Variants in VSTM4 observed in about 807,000 individuals in gnomAD.
VSTM4 encodes the protein V-set and transmembrane domain-containing protein 4.
A neutral mutation model predicts 36.4 loss-of-function variants in VSTM4; 20 were observed. The observed-to-expected ratio is 0.55, with a 90% CI of 0.39 to 0.80. VSTM4 has a LOEUF of 0.80. Ranked by LOEUF, VSTM4 falls within the 30% of genes least tolerant of loss-of-function variation. VSTM4 has a pLI of 0.00. For missense variants in VSTM4, 392 were observed against 404.5 expected (o/e 0.97, Z 0.26); for synonymous variants, 182 against 173.9 (o/e 1.05, Z -0.37).
intron 5 of VSTM4, among the ~76,000 whole-genome samples, chr10:49,050,545 C>T (rs188127068): frequency 7.2e-5 from 11 of 152,052 alleles, no homozygotes; most frequent in South Asian, 2.1e-4. Flanking sequence ...TTATTGGGAA[C>T]GGAGATTCTA....
At chr10:49,105,328 AC>A (rs1381127056) in intron 2 of VSTM4, among the ~76,000 whole-genome samples, 2 of 47,570 alleles carry the variant, frequency 4.2e-5, no homozygotes, top group Non-Finnish European at 6.8e-5. Context: ...AGAGAGAGAG[AC>A]GGGGGGGGGA....
At chr10:49,089,515 G>T (rs1844433598) in intron 2 of VSTM4, among the ~76,000 whole-genome samples, 1 of 152,182 alleles carries the variant, frequency 6.6e-6, no homozygotes, top group Admixed American at 6.5e-5. Flanking sequence ...ATTTAGGATA[G>T]AAAGCAACAA....
intron 6 of VSTM4, among the ~76,000 whole-genome samples, chr10:49,047,555 C>T (rs770774742): frequency 1.6e-4 from 25 of 152,238 alleles, no homozygotes; most frequent in Non-Finnish European, 3.2e-4. Flanking sequence ...GGCTCTACCA[C>T]GTACCTAAGT....
chr10:49,112,610 T>A (rs1370412500), intron 1 of VSTM4, among the ~76,000 whole-genome samples: 1 of 152,252 alleles, frequency 6.6e-6, no homozygotes, highest in African/African-American at 2.4e-5. Context: ...ACATGCACAC[T>A]GTCCTGTGAG....
intron 5 of VSTM4, among the ~76,000 whole-genome samples, chr10:49,057,422 G>A (rs1211560779): frequency 6.6e-6 from 1 of 152,196 alleles, no homozygotes; most frequent in Non-Finnish European, 1.5e-5. Flanking sequence ...GAAACCCTTA[G>A]CGACAGGGAC....
intron 4 of VSTM4, among the ~76,000 whole-genome samples, chr10:49,069,720 G>A (rs1019906415): frequency 2.0e-5 from 3 of 152,182 alleles, no homozygotes; most frequent in African/African-American, 7.2e-5. Flanking sequence ...CACCAAGTGG[G>A]AAGCTGAGGA....
At chr10:49,037,491 C>T (rs1159698316) in intron 7 of VSTM4, among the ~76,000 whole-genome samples, 3 of 152,228 alleles carry the variant, frequency 2.0e-5, no homozygotes, top group Admixed American at 2.0e-4. Flanking sequence ...CCCACGCAAA[C>T]ATTATTCATC....
chr10:49,076,388 C>A (rs1844178742), intron 4 of VSTM4, among the ~76,000 whole-genome samples: 1 of 152,190 alleles, frequency 6.6e-6, no homozygotes, highest in African/African-American at 2.4e-5. Context: ...ATGAGGAAAG[C>A]AGGCACAGAA....
chr10:49,044,939 A>G (rs745570547), intron 7 of VSTM4, among the ~76,000 whole-genome samples: 3 of 152,206 alleles, frequency 2.0e-5, no homozygotes, highest in Non-Finnish European at 4.4e-5. Context: ...CCCGTCACCA[A>G]ACATTGAAAA....
chr10:49,098,408 C>T (rs1844611239), intron 2 of VSTM4, among the ~76,000 whole-genome samples: 1 of 152,192 alleles, frequency 6.6e-6, no homozygotes, highest in Non-Finnish European at 1.5e-5. Flanking sequence ...CATTCACATC[C>T]AGTCCATCAG....
At chr10:49,041,789 C>A (rs1307972893) in intron 7 of VSTM4, among the ~76,000 whole-genome samples, 1 of 152,134 alleles carries the variant, frequency 6.6e-6, no homozygotes, top group Admixed American at 6.5e-5. Flanking sequence ...TTCTCACATG[C>A]AAAGCTTGTA....
At chr10:49,020,513 A>G (rs1176128937) in intron 7 of VSTM4, among the ~76,000 whole-genome samples, 1 of 151,558 alleles carries the variant, frequency 6.6e-6, no homozygotes, top group Non-Finnish European at 1.5e-5. Context: ...TGAATAAAAT[A>G]AAAAATAAGA....
intron 2 of VSTM4, chr10:49,103,870 G>A: frequency 1.9e-6 from 3 of 1,612,986 alleles, no homozygotes; most frequent in South Asian, 1.1e-5. Flanking sequence ...CCTGTTGAAA[G>A]GAGGGAGGTG....
intron 2 of VSTM4, among the ~76,000 whole-genome samples, chr10:49,089,547 GAC>G (rs1844434310): frequency 6.6e-6 from 1 of 152,158 alleles, no homozygotes; most frequent in South Asian, 2.1e-4. Flanking sequence ...TCTATTTATG[GAC>G]ACATGTGTTG....
intron 5 of VSTM4, among the ~76,000 whole-genome samples, chr10:49,053,761 C>T: frequency 6.6e-6 from 1 of 152,142 alleles, no homozygotes. Context: ...AGAAAGTCTT[C>T]CTGCCCAGGA....
At chr10:49,097,239 C>A (rs530991631) in intron 2 of VSTM4, among the ~76,000 whole-genome samples, 89 of 152,304 alleles carry the variant, frequency 5.8e-4, no homozygotes, top group African/African-American at 2.0e-3. Flanking sequence ...CCAGGCAGCA[C>A]CTGAAGAAGC....
At chr10:49,030,917 G>C (rs11100979) in intron 7 of VSTM4, among the ~76,000 whole-genome samples, 2,043 of 152,238 alleles carry the variant, frequency 0.013, 14 homozygotes, top group Non-Finnish European at 0.021. Flanking sequence ...AGTGTTCTTG[G>C]GGAGAGTCCT....
chr10:49,105,329 CG>C (rs1554836344), intron 2 of VSTM4, among the ~76,000 whole-genome samples: 4,856 of 122,680 alleles, frequency 0.04, 121 homozygotes, highest in Non-Finnish European at 0.047. Flanking sequence ...GAGAGAGAGA[CG>C]GGGGGGGGAG....
At chr10:49,038,854 G>A (rs1843474303) in intron 7 of VSTM4, among the ~76,000 whole-genome samples, 1 of 152,072 alleles carries the variant, frequency 6.6e-6, no homozygotes, top group Admixed American at 6.5e-5. Flanking sequence ...GAATGTCAAG[G>A]AGAAGACAGC....
Sources: allele counts gnomAD v4.1 joint callset (sites outside exome capture counted in the v4.1 genomes callset), GRCh38; gene constraint gnomAD v4.1.1; transcripts MANE v1.5; gene names NCBI Gene and HGNC (gene_info 2026-07-23, HGNC 2026-07-21).